ODAD2: variants seen among roughly 807,000 people sequenced by gnomAD.
ODAD2 encodes outer dynein arm docking complex subunit 2.
A neutral mutation model predicts 106.8 loss-of-function variants in ODAD2; 89 were observed. That is an observed-to-expected ratio of 0.83 (90% confidence interval 0.70 to 0.99). ODAD2 has a LOEUF of 0.99. Ranked by LOEUF, ODAD2 falls within the 50% of genes least tolerant of loss-of-function variation. The pLI is 0.00. For missense variants in ODAD2, 1,168 were observed against 1,238.5 expected, an observed-to-expected ratio of 0.94 and a Z score of 0.85; for synonymous variants, 404 against 436.2, an observed-to-expected ratio of 0.93 and a Z score of 0.92.
chr10:27,981,221 G>A (rs960874373), intron 7 of ODAD2, among the ~76,000 whole-genome samples: 1 of 151,970 alleles, frequency 6.6e-6, no homozygotes, highest in Non-Finnish European at 1.5e-5. Flanking sequence ...TTCGAGAGAC[G>A]AAAAAGACTT....
intron 19 of ODAD2, among the ~76,000 whole-genome samples, chr10:27,836,624 T>C (rs1312961410): frequency 6.6e-6 from 1 of 152,200 alleles, no homozygotes; most frequent in Non-Finnish European, 1.5e-5. Context: ...CTGTGGCAGC[T>C]TTAGGGCCTA....
intron 8 of ODAD2, among the ~76,000 whole-genome samples, chr10:27,970,637 A>G (rs1848784495): frequency 6.6e-6 from 1 of 152,138 alleles, no homozygotes. Flanking sequence ...TTGGAGGGAC[A>G]TGTAAATATA....
chr10:27,816,341 G>A lies in ODAD2; in HGVS notation c.3022-3716C>T, dbSNP rs558249556. On this transcript the variant is annotated intron_variant, in intron 19 of 19. Coordinates refer to ENST00000305242, the MANE Select transcript of ODAD2 (RefSeq NM_018076.5). ...TCTTCTGAGATTCAAGAGAAAGGAAGATTCTGTTCTGTATGAGGGAAACAG... is the reference window on the plus strand; with the variant it reads ...TCTTCTGAGATTCAAGAGAAAGGAAAATTCTGTTCTGTATGAGGGAAACAG... Among the ~76,000 whole-genome samples the A allele has an allele frequency of 2.6e-5, 4 of 152,190 alleles. No homozygotes were observed. The South Asian group carries it at 8.3e-4, about 31-fold the overall frequency.
chr10:27,859,451 T>G (rs980328285), intron 19 of ODAD2, among the ~76,000 whole-genome samples: 4 of 152,172 alleles, frequency 2.6e-5, no homozygotes, highest in Non-Finnish European at 5.9e-5. Flanking sequence ...CCTCAAAAAT[T>G]GCCAATTGGT....
chr10:27,858,371 G>T (rs1042483148), intron 19 of ODAD2, among the ~76,000 whole-genome samples: 18 of 152,126 alleles, frequency 1.2e-4, no homozygotes, highest in Admixed American at 9.8e-4. Flanking sequence ...AGCATGGTAA[G>T]GTCTGCCTCT....
chr10:27,864,562 G>A (rs376716545), intron 17 of ODAD2, among the ~76,000 whole-genome samples: 6 of 150,216 alleles, frequency 4.0e-5, no homozygotes, highest in South Asian at 2.1e-4. Context: ...AGGTGAGAGC[G>A]GGGAGTGAGG....
In ODAD2 at chr10:27,918,053, T is replaced by TA. The variant is rs201305183; in HGVS notation, c.2496-10277dup. 9.8e-3 allele frequency among the ~76,000 whole-genome samples: 1,484 copies of TA among 151,652 alleles called. 23 individuals are homozygous for TA. The highest frequency in any genetic ancestry group is 0.032 in the African/African-American group (1,338 of 41,460). On this transcript the variant is annotated intron_variant, in intron 16 of 19. Transcript: ENST00000305242. ...ACCAATTAAAAAGGAATCCTTTTCA[T>TA]AAAAAAAACTCCAACTTAGATAATT... is the stretch of plus-strand genomic sequence containing the variant.
At chr10:27,921,822 T>C (rs576669312) in intron 16 of ODAD2, among the ~76,000 whole-genome samples, 1 of 145,834 alleles carries the variant, frequency 6.9e-6, no homozygotes, top group Non-Finnish European at 1.5e-5. Flanking sequence ...AGCAAGGCAA[T>C]AGAGCAGTAT....
chr10:27,887,053 T>C (rs1478961002), intron 17 of ODAD2, among the ~76,000 whole-genome samples: 1 of 152,000 alleles, frequency 6.6e-6, no homozygotes, highest in African/African-American at 2.4e-5. Flanking sequence ...ATAAAGTCCC[T>C]AATCAAAATA....
chr10:27,914,688 G>GTA (rs960178921), intron 16 of ODAD2, among the ~76,000 whole-genome samples: 24 of 146,888 alleles, frequency 1.6e-4, no homozygotes, highest in Non-Finnish European at 2.4e-4. Flanking sequence ...GTATGTGTGT[G>GTA]TATATATATA....
chr10:27,994,365 G>A (rs1370441777), intron 2 of ODAD2, among the ~76,000 whole-genome samples: 7 of 152,034 alleles, frequency 4.6e-5, no homozygotes, highest in Non-Finnish European at 2.9e-5. Context: ...CAGAGGTCAC[G>A]AAACCAATGG....
At chr10:27,894,146 A>C (rs1842724624) in intron 17 of ODAD2, among the ~76,000 whole-genome samples, 1 of 152,218 alleles carries the variant, frequency 6.6e-6, no homozygotes, top group African/African-American at 2.4e-5. Flanking sequence ...ATCTCTAAAA[A>C]ATAAATATTT....
intron 19 of ODAD2, among the ~76,000 whole-genome samples, chr10:27,848,837 C>G (rs1282615910): frequency 2.6e-5 from 4 of 152,164 alleles, no homozygotes; most frequent in Non-Finnish European, 5.9e-5. Flanking sequence ...AAATGCAAAT[C>G]AAAACCACAA....
At position 27,995,044 on chromosome 10, in the gene ODAD2, T is replaced by C. The variant is rs1459815801; in HGVS notation, c.99A>G (p.Glu33=). The C allele has an allele frequency of 3.7e-6, 6 of 1,614,088 alleles. No individual in the cohort carries two copies. The highest frequency in any genetic ancestry group is 5.1e-6 in the Non-Finnish European group (6 of 1,180,046). ...TAAAACTCTCCACAAACACAATAAT[T>C]TCTTTCAATATCGCTTCATTTAGAG... ...ITPLNEAILK[E]IIVFVESFIY... Residue 33 remains glutamate, a synonymous_variant, in exon 2 of 20, where the codon GAA becomes GAG. Transcript: ENST00000305242.
At chr10:27,855,345 A>T (rs1347742556) in intron 19 of ODAD2, among the ~76,000 whole-genome samples, 1 of 152,326 alleles carries the variant, frequency 6.6e-6, no homozygotes, top group East Asian at 1.9e-4. Flanking sequence ...AATAAAAATT[A>T]AAAAGCCAAT....
At chr10:27,828,744 C>T (rs1837256513) in intron 19 of ODAD2, among the ~76,000 whole-genome samples, 3 of 152,102 alleles carry the variant, frequency 2.0e-5, no homozygotes, top group Non-Finnish European at 4.4e-5. Context: ...TATAACTTTA[C>T]TCTAGGAAAT....
chr10:27,887,722 A>G (rs1220255721), intron 17 of ODAD2, among the ~76,000 whole-genome samples: 1 of 152,096 alleles, frequency 6.6e-6, no homozygotes. Context: ...CACACTTGTA[A>G]GCAACCAGTG....
chr10:27,893,074 G>A (rs909128444), intron 17 of ODAD2, among the ~76,000 whole-genome samples: 6 of 151,838 alleles, frequency 4.0e-5, no homozygotes, highest in Non-Finnish European at 7.4e-5. Context: ...CAGGAGAATC[G>A]CTTGAACCCA....
At chr10:27,899,427 T>C (rs534437609) in intron 17 of ODAD2, among the ~76,000 whole-genome samples, 25 of 152,162 alleles carry the variant, frequency 1.6e-4, no homozygotes, top group Admixed American at 6.5e-5. Context: ...AGTGTTTTTT[T>C]CATACCCCAG....
Sources: allele counts gnomAD v4.1 joint callset (sites outside exome capture counted in the v4.1 genomes callset), GRCh38; gene constraint gnomAD v4.1.1; transcripts MANE v1.5; gene names NCBI Gene and HGNC (gene_info 2026-07-23, HGNC 2026-07-21).